PTPRN2: variants seen among roughly 807,000 people sequenced by gnomAD.
PTPRN2 encodes receptor-type tyrosine-protein phosphatase N2.
A neutral mutation model predicts 118.8 loss-of-function variants in PTPRN2; 74 were observed. That is an observed-to-expected ratio of 0.62 (90% CI 0.52 to 0.76). The LOEUF is 0.76. Among genes scored for constraint, PTPRN2 ranks in the 30% least tolerant of loss-of-function variants. The pLI is 0.00. For synonymous variants in PTPRN2, 641 were observed against 608.0 expected (o/e 1.05, Z -0.80); for missense variants, 1,481 against 1,394.4 (o/e 1.06, Z -0.99).
chr7:158,245,488 G>A (rs181448528), intron 3 of PTPRN2, among the ~76,000 whole-genome samples: 10 of 152,254 alleles, frequency 6.6e-5, no homozygotes, highest in South Asian at 2.1e-4. Context: ...CTCATAGAGC[G>A]CATGGGCCGC....
At chr7:158,471,361 T>G (rs1421365863) in intron 2 of PTPRN2, among the ~76,000 whole-genome samples, 2 of 151,928 alleles carry the variant, frequency 1.3e-5, no homozygotes, top group African/African-American at 2.4e-5. Flanking sequence ...GTCTCCAGTC[T>G]CTGGGATTTC....
At chr7:158,583,133 T>A (rs1828721294) in intron 1 of PTPRN2, among the ~76,000 whole-genome samples, 1 of 152,176 alleles carries the variant, frequency 6.6e-6, no homozygotes, top group Non-Finnish European at 1.5e-5. Context: ...GAAAAGTCGA[T>A]GAGTAACTGC....
rs1803862625 is a variant in PTPRN2, at chr7:157,987,137, C to T, written c.1724-88400G>A. ...CCAGCCATGAAACAGCTGCACTGCCCCAGCACGCCGCCCACGCTTGGTCGG... is the reference window on the plus strand; with the variant it reads ...CCAGCCATGAAACAGCTGCACTGCCTCAGCACGCCGCCCACGCTTGGTCGG... On this transcript the variant is annotated intron_variant, in intron 11 of 22. Coordinates refer to ENST00000389418, the MANE Select transcript of PTPRN2 (RefSeq NM_002847.5). This position sits in a 1 kb window ranked among gnomAD's most constrained non-coding sequence, Gnocchi z 4.3. Among the ~76,000 whole-genome samples the T allele has an allele frequency of 6.6e-6, 1 of 152,164 alleles. No homozygotes were observed. Among genetic ancestry groups the T allele is most frequent in the Admixed American group, 6.5e-5 (1 of 15,280 alleles).
At chr7:158,082,094 G>A (rs1209549797) in intron 10 of PTPRN2, among the ~76,000 whole-genome samples, 1 of 152,142 alleles carries the variant, frequency 6.6e-6, no homozygotes, top group Non-Finnish European at 1.5e-5. Context: ...GCTCTTCCTG[G>A]AACAGACCCC....
chr7:157,799,225 T>C (rs987899446), intron 12 of PTPRN2, among the ~76,000 whole-genome samples: 2 of 152,050 alleles, frequency 1.3e-5, no homozygotes, highest in Non-Finnish European at 2.9e-5. Flanking sequence ...TGGGAGGTGC[T>C]GGACAGGGAT....
At chr7:158,182,549 C>T (rs1824802384) in intron 5 of PTPRN2, among the ~76,000 whole-genome samples, 1 of 152,132 alleles carries the variant, frequency 6.6e-6, no homozygotes, top group Non-Finnish European at 1.5e-5. Flanking sequence ...GTTCAACTAC[C>T]ACTTATATGT....
intron 11 of PTPRN2, among the ~76,000 whole-genome samples, chr7:158,001,596 C>T (rs1205624786): frequency 6.6e-6 from 1 of 152,054 alleles, no homozygotes; most frequent in African/African-American, 2.4e-5. Flanking sequence ...ACGGGCGCTC[C>T]CACCATGCAG....
At chr7:158,112,949 G>T (rs1816408773) in intron 9 of PTPRN2, among the ~76,000 whole-genome samples, 1 of 151,970 alleles carries the variant, frequency 6.6e-6, no homozygotes, top group South Asian at 2.1e-4. Flanking sequence ...CCTCAGGAGG[G>T]TGACTGAAGC....
chr7:158,522,908 G>C (rs1335052573), intron 1 of PTPRN2, among the ~76,000 whole-genome samples: 1 of 152,220 alleles, frequency 6.6e-6, no homozygotes, highest in Admixed American at 6.5e-5. Flanking sequence ...CCTGCCGTGA[G>C]AAGGGAGAGG....
At chr7:158,558,414 G>A (rs111946325) in intron 1 of PTPRN2, among the ~76,000 whole-genome samples, 3,254 of 152,234 alleles carry the variant, frequency 0.021, 65 homozygotes, top group African/African-American at 0.049. Flanking sequence ...TCCTGAGGCC[G>A]CAGGGTGCAG....
intron 2 of PTPRN2, among the ~76,000 whole-genome samples, chr7:158,341,415 G>GGC (rs1806752029): frequency 2.1e-5 from 1 of 47,780 alleles, no homozygotes; most frequent in African/African-American, 9.8e-5. Flanking sequence ...CGCCCGCAGA[G>GGC]GTCACTCACA....
At chr7:157,782,210 C>A (rs1803723106) in intron 12 of PTPRN2, among the ~76,000 whole-genome samples, 1 of 152,236 alleles carries the variant, frequency 6.6e-6, no homozygotes, top group Non-Finnish European at 1.5e-5. Flanking sequence ...TGCAAAGCCA[C>A]AGACCAAACT....
chr7:158,529,259 T>G lies in PTPRN2; in HGVS notation c.113-39474A>C, dbSNP rs1174846548. On this transcript the variant is annotated intron_variant, in intron 1 of 22. Transcript: ENST00000389418. The surrounding 1 kb of genome is among the most constrained non-coding windows in gnomAD (Gnocchi z 4.7). ...GATGGGAGGAGCAGCTGCGTGCATA[T>G]TTACTTCTGAATATTTTCACATTTT... Among the ~76,000 whole-genome samples, 1 of 152,198 alleles carries G rather than the reference T, an allele frequency of 6.6e-6. No homozygotes were observed. Among genetic ancestry groups the G allele is most frequent in the Admixed American group, 6.5e-5 (1 of 15,278 alleles).
intron 21 of PTPRN2, among the ~76,000 whole-genome samples, chr7:157,559,414 C>T (rs1377745262): frequency 6.6e-6 from 1 of 152,120 alleles, no homozygotes; most frequent in Non-Finnish European, 1.5e-5. Flanking sequence ...TAGGGAGTGG[C>T]AGAACACACT....
At chr7:158,289,759 G>A (rs568837341) in intron 3 of PTPRN2, among the ~76,000 whole-genome samples, 18 of 152,238 alleles carry the variant, frequency 1.2e-4, no homozygotes, top group Admixed American at 4.6e-4. Flanking sequence ...GTTGCCTTAC[G>A]TTGATGTCTG....
intron 2 of PTPRN2, among the ~76,000 whole-genome samples, chr7:158,432,943 A>G (rs1403067950): frequency 6.6e-6 from 1 of 152,196 alleles, no homozygotes; most frequent in Non-Finnish European, 1.5e-5. Flanking sequence ...ACATAGATTC[A>G]TAACCCACAA....
chr7:158,495,446 T>G lies in PTPRN2; in HGVS notation c.113-5661A>C, dbSNP rs56063566. ...ACCTGGCAAAGCCTCCCTTCTCCCT[T>G]GCATTCTCAGATGTAAATGAGGATG... On this transcript the variant is annotated intron_variant, in intron 1 of 22. Transcript: ENST00000389418. 2.6e-5 allele frequency among the ~76,000 whole-genome samples: 4 copies of G among 151,940 alleles called. No individual in the cohort carries two copies. The East Asian group carries it at 7.8e-4, about 30-fold the overall frequency.
At chr7:157,753,504 C>G (rs532512521) in intron 12 of PTPRN2, among the ~76,000 whole-genome samples, 42 of 152,202 alleles carry the variant, frequency 2.8e-4, no homozygotes, top group Non-Finnish European at 5.9e-4. Flanking sequence ...GTCTGGGCCT[C>G]ACTCCAGCCC....
At chr7:158,569,933 C>T (rs1041296351) in intron 1 of PTPRN2, among the ~76,000 whole-genome samples, 2 of 152,066 alleles carry the variant, frequency 1.3e-5, no homozygotes, top group African/African-American at 4.8e-5. Context: ...CGCGGGGCGG[C>T]GCCCTCCCGG....
Sources: gnomAD v4.1 joint callset for allele counts (sites outside exome capture counted in the v4.1 genomes callset) on GRCh38, gnomAD v4.1.1 for gene constraint, Gnocchi (gnomAD v3.1) non-coding constraint, MANE v1.5 for transcripts, NCBI Gene and HGNC (gene_info 2026-07-23, HGNC 2026-07-21) for gene names.